The following PPARGC1A variants were observed in gnomAD, a reference collection of about 807,000 sequenced individuals.
PPARGC1A encodes peroxisome proliferator-activated receptor gamma coactivator 1-alpha.
PPARGC1A carries 25 observed loss-of-function variants against 88.7 expected under a neutral mutation model. That is an observed-to-expected ratio of 0.28 (90% CI 0.21 to 0.39). PPARGC1A has a LOEUF of 0.39. Ranked by LOEUF, PPARGC1A falls within the 10% of genes least tolerant of loss-of-function variation. The pLI is 1.00. For synonymous variants in PPARGC1A, 363 were observed against 355.6 expected (o/e 1.02, Z -0.24); for missense variants, 880 against 968.7 (o/e 0.91, Z 1.22).
chr4:24,372,400 T>A, the PPARGC1A span, among the ~76,000 whole-genome samples: 2 of 152,192 alleles, frequency 1.3e-5, no homozygotes. Context: ...TTTTTAAGCT[T>A]CCCCTGTGGT....
intron 8 of PPARGC1A, 119 bp from the exon 9 acceptor site, chr4:23,813,244 C>T (rs1032300675): frequency 1.2e-6 from 1 of 828,536 alleles, no homozygotes; most frequent in Admixed American, 2.1e-5. Context: ...TTCTTCCCAG[C>T]TACTAGGGAG....
chr4:24,012,792 A>T, the PPARGC1A span, among the ~76,000 whole-genome samples: 1 of 152,156 alleles, frequency 6.6e-6, no homozygotes, highest in Non-Finnish European at 1.5e-5. Flanking sequence ...ATTTTTCAAA[A>T]TATACAGTAA....
chr4:23,983,519 C>T, the PPARGC1A span, among the ~76,000 whole-genome samples: 2 of 152,112 alleles, frequency 1.3e-5, no homozygotes, highest in African/African-American at 4.8e-5. Flanking sequence ...ACAGCATCCA[C>T]TTTCATACAA....
At chr4:23,977,335 G>A in the PPARGC1A span, among the ~76,000 whole-genome samples, 4 of 152,216 alleles carry the variant, frequency 2.6e-5, no homozygotes, top group South Asian at 4.2e-4. Flanking sequence ...CCCAGCCATC[G>A]CATTCACTGA....
the PPARGC1A span, among the ~76,000 whole-genome samples, chr4:24,129,182 G>T: frequency 6.6e-6 from 1 of 152,166 alleles, no homozygotes; most frequent in African/African-American, 2.4e-5. Flanking sequence ...TAATGGTAAT[G>T]GGGGGAAAGA....
At chr4:24,179,027 T>G in the PPARGC1A span, among the ~76,000 whole-genome samples, 86 of 151,386 alleles carry the variant, frequency 5.7e-4, no homozygotes, top group African/African-American at 2.1e-3. Context: ...TTATGGGCTC[T>G]TTCTTTGTGC....
intron 12 of PPARGC1A, among the ~76,000 whole-genome samples, chr4:23,798,523 C>T (rs1395416051): frequency 5.3e-5 from 8 of 152,162 alleles, no homozygotes; most frequent in South Asian, 2.1e-4. Flanking sequence ...CGTGTATAAT[C>T]AAGAATACTG....
At chr4:24,177,619 TTAAATAAATAAATAAA>T in the PPARGC1A span, among the ~76,000 whole-genome samples, 444 of 124,920 alleles carry the variant, frequency 3.6e-3, 1 homozygote, top group African/African-American at 8.3e-3. Context: ...TCAAGTATAA[TTAAATAAATAAATAAA>T]TAAATAAATA....
At chr4:24,311,457 A>T in the PPARGC1A span, among the ~76,000 whole-genome samples, 2 of 106,038 alleles carry the variant, frequency 1.9e-5, no homozygotes, top group Non-Finnish European at 2.0e-5. Flanking sequence ...AACACGGTGA[A>T]ACCCCATCTC....
the PPARGC1A span, among the ~76,000 whole-genome samples, chr4:24,114,302 C>T: frequency 0.012 from 1,858 of 152,206 alleles, 41 homozygotes; most frequent in African/African-American, 0.042. Flanking sequence ...TATTTCTAAC[C>T]GCTATGGTCT....
intron 2 of PPARGC1A, chr4:23,881,760 C>T (rs947761009): frequency 2.0e-5 from 3 of 152,238 alleles, no homozygotes; most frequent in African/African-American, 4.8e-5. Flanking sequence ...CAGCAGAGCC[C>T]GTGACTGTTT....
the PPARGC1A span, among the ~76,000 whole-genome samples, chr4:24,394,239 CG>C: frequency 8.5e-5 from 13 of 152,140 alleles, no homozygotes; most frequent in Non-Finnish European, 1.8e-4. Flanking sequence ...TGTGGTAACT[CG>C]GGTTTACTCA....
chr4:23,829,660 AT>A, intron 3 of PPARGC1A, 75 bp from the exon 4 acceptor site: 1 of 1,361,612 alleles, frequency 7.3e-7, no homozygotes, highest in Middle Eastern at 1.9e-4. Flanking sequence ...AGTTATTGAA[AT>A]TTTAAATGTA....
chr4:23,857,448 T>C (rs1390738680), intron 2 of PPARGC1A, among the ~76,000 whole-genome samples: 1 of 150,726 alleles, frequency 6.6e-6, no homozygotes, highest in Non-Finnish European at 1.5e-5. Flanking sequence ...TGCATATGCA[T>C]ACAGATAAAT....
chr4:24,144,864 T>C, the PPARGC1A span, among the ~76,000 whole-genome samples: 5 of 152,176 alleles, frequency 3.3e-5, no homozygotes, highest in African/African-American at 9.6e-5. Flanking sequence ...TATTTTGGTA[T>C]TTTGTATCTC....
At chr4:24,307,017 C>T in the PPARGC1A span, among the ~76,000 whole-genome samples, 1 of 152,182 alleles carries the variant, frequency 6.6e-6, no homozygotes, top group Non-Finnish European at 1.5e-5. Flanking sequence ...AATTTTACTA[C>T]TTTTTTGTCT....
At chr4:24,011,859 G>A in the PPARGC1A span, among the ~76,000 whole-genome samples, 1 of 152,134 alleles carries the variant, frequency 6.6e-6, no homozygotes, top group African/African-American at 2.4e-5. Context: ...GAGGTTACTG[G>A]TTTATGAAGG....
the PPARGC1A span, among the ~76,000 whole-genome samples, chr4:24,391,048 TA>T: frequency 6.6e-6 from 1 of 152,102 alleles, no homozygotes; most frequent in Non-Finnish European, 1.5e-5. Context: ...TTTCCCTGCC[TA>T]AAAAGTAAAG....
the PPARGC1A span, among the ~76,000 whole-genome samples, chr4:24,229,974 A>C: frequency 6.6e-6 from 1 of 152,152 alleles, no homozygotes; most frequent in Admixed American, 6.5e-5. Context: ...GGAAATGCAG[A>C]CCAAAATCCC....
Sources: gnomAD v4.1 joint callset for allele counts (sites outside exome capture counted in the v4.1 genomes callset) on GRCh38, gnomAD v4.1.1 for gene constraint, MANE v1.5 for transcripts, NCBI Gene and HGNC (gene_info 2026-07-23, HGNC 2026-07-21) for gene names.